The following SLC14A2 variants were observed in gnomAD, a reference collection of about 807,000 sequenced individuals.
The protein encoded by SLC14A2 is solute carrier family 14 member 2, also known as urea transporter 2.
Under a neutral mutation model 104.6 loss-of-function variants are expected in SLC14A2, and 91 were observed. The observed-to-expected ratio is 0.87, with a 90% confidence interval of 0.73 to 1.04. SLC14A2 has a LOEUF of 1.04. Ranked by LOEUF, SLC14A2 falls within the 50% of genes least tolerant of loss-of-function variation. The pLI, the probability that SLC14A2 is intolerant of heterozygous loss-of-function variation, is 0.00. For synonymous variants in SLC14A2, 476 were observed against 466.4 expected (o/e 1.02, Z -0.27); for missense variants, 1,189 against 1,156.0 (o/e 1.03, Z -0.41).
intron 7 of SLC14A2, among the ~76,000 whole-genome samples, chr18:45,640,440 T>G (rs1046483746): frequency 1.3e-5 from 2 of 152,172 alleles, no homozygotes; most frequent in African/African-American, 4.8e-5. Flanking sequence ...CTCTGAAATT[T>G]TTGGTAAGAT....
chr18:45,586,142 T>C (rs2044563863), intron 2 of SLC14A2, among the ~76,000 whole-genome samples: 1 of 152,228 alleles, frequency 6.6e-6, no homozygotes, highest in South Asian at 2.1e-4. Flanking sequence ...GGTTTTGCCA[T>C]TGCTTTCAGT....
intron 1 of SLC14A2, among the ~76,000 whole-genome samples, chr18:45,218,801 A>C (rs2084034726): frequency 6.6e-6 from 1 of 152,104 alleles, no homozygotes. Context: ...AGCAGTATGG[A>C]AGGTCAAATC....
rs532311344 is a variant in SLC14A2 at position 45,449,413 on chromosome 18, C to T, written c.-124-33820C>T. Among the ~76,000 whole-genome samples the T allele has an allele frequency of 2.6e-5, 4 of 152,256 alleles. No individual in the cohort carries two copies. In the South Asian group the frequency reaches 8.3e-4, roughly 32 times the overall value. ...CTGACCATTTCCAAAACACATTGTT[C>T]ATACCTCTCATTTGGATCCTTGGCA... On this transcript the variant is annotated intron_variant, in intron 1 of 20. Transcript: ENST00000586448.
chr18:45,665,950 T>C (rs1031922781), intron 11 of SLC14A2, among the ~76,000 whole-genome samples, 187 bp from the exon 12 acceptor site: 1 of 152,164 alleles, frequency 6.6e-6, no homozygotes, highest in Non-Finnish European at 1.5e-5. Context: ...AGGGCCCAGA[T>C]GGATCCATGA....
chr18:45,216,474 G>A (rs2084011604), intron 1 of SLC14A2, among the ~76,000 whole-genome samples: 1 of 152,164 alleles, frequency 6.6e-6, no homozygotes, highest in Non-Finnish European at 1.5e-5. Context: ...TTCTGGGGGT[G>A]TTATGTTGGT....
chr18:45,461,512 A>G (rs2087044691), intron 1 of SLC14A2, among the ~76,000 whole-genome samples: 1 of 152,208 alleles, frequency 6.6e-6, no homozygotes, highest in Admixed American at 6.5e-5. Context: ...AAGCTCTGGG[A>G]CCTGTCCCTC....
At chr18:45,273,080 T>G (rs2084667307) in intron 1 of SLC14A2, among the ~76,000 whole-genome samples, 1 of 152,058 alleles carries the variant, frequency 6.6e-6, no homozygotes, top group South Asian at 2.1e-4. Context: ...CTATCTGAAA[T>G]GTCTAAGAGT....
Position 45,464,630 on chromosome 18 carries a change from C to A in SLC14A2, c.-124-18603C>A, listed in dbSNP as rs183417160. Among the ~76,000 whole-genome samples, 1,120 of 152,254 alleles carry A rather than the reference C, an allele frequency of 7.4e-3. 6 individuals carry two copies. The highest frequency in any genetic ancestry group is 0.013 in the Non-Finnish European group (877 of 68,030). On this transcript the variant is annotated intron_variant, in intron 1 of 20. Coordinates refer to the SLC14A2 transcript ENST00000586448. ...AATTTCTATTTTTTGCTGCTCTTTG[C>A]CTGCCTTTGTGGAATGCTAGAAAGT...
chr18:45,562,898 C>T (rs2044219399), intron 2 of SLC14A2, among the ~76,000 whole-genome samples: 1 of 152,214 alleles, frequency 6.6e-6, no homozygotes. Context: ...GCAAGCGGTG[C>T]ATTTAAATCA....
intron 2 of SLC14A2, among the ~76,000 whole-genome samples, chr18:45,560,222 C>G (rs539459892): frequency 5.8e-4 from 88 of 152,292 alleles, no homozygotes; most frequent in African/African-American, 2.0e-3. Context: ...TTCATTAAAA[C>G]CTTAGCAGAC....
At chr18:45,390,167 C>T (rs532001932) in intron 1 of SLC14A2, among the ~76,000 whole-genome samples, 9 of 152,222 alleles carry the variant, frequency 5.9e-5, no homozygotes, top group African/African-American at 1.4e-4. Flanking sequence ...GGACAAAAAT[C>T]GACACGAGCA....
chr18:45,294,647 G>A lies in SLC14A2; in HGVS notation c.-125+81456G>A, dbSNP rs535986439. On this transcript the variant is annotated intron_variant, in intron 1 of 20. Transcript: ENST00000586448. ...CAGAGGAGTTTTGCAAATGTTAATA[G>A]GTATAACTTGAAAATGATTTTCCAC... Among the ~76,000 whole-genome samples the A allele has an allele frequency of 2.6e-5, 4 of 152,284 alleles. No homozygotes were observed. The South Asian group carries it at 8.3e-4, about 32-fold the overall frequency.
chr18:45,599,040 T>G (rs1258067748), intron 2 of SLC14A2, among the ~76,000 whole-genome samples: 1 of 152,098 alleles, frequency 6.6e-6, no homozygotes, highest in Non-Finnish European at 1.5e-5. Flanking sequence ...CCATGATGAG[T>G]ATGAAGATAC....
intron 5 of SLC14A2, among the ~76,000 whole-genome samples, chr18:45,634,321 T>A (rs2045386538): frequency 6.6e-6 from 1 of 152,216 alleles, no homozygotes; most frequent in African/African-American, 2.4e-5. Flanking sequence ...AAAGTCTCTA[T>A]TCCCTTGGAA....
At chr18:45,608,890 T>A (rs766255483) in intron 2 of SLC14A2, among the ~76,000 whole-genome samples, 1 of 152,232 alleles carries the variant, frequency 6.6e-6, no homozygotes, top group Non-Finnish European at 1.5e-5. Flanking sequence ...TCTTCCTTCA[T>A]GCCAGGTCCC....
At chr18:45,398,991 A>G (rs1385349275) in intron 1 of SLC14A2, among the ~76,000 whole-genome samples, 1 of 152,206 alleles carries the variant, frequency 6.6e-6, no homozygotes, top group African/African-American at 2.4e-5. Context: ...TGTGTTTTTT[A>G]CCAAAATAAA....
chr18:45,572,725 T>C (rs1351929852), intron 2 of SLC14A2, among the ~76,000 whole-genome samples: 2 of 152,216 alleles, frequency 1.3e-5, no homozygotes, highest in African/African-American at 4.8e-5. Context: ...ATACCACTTA[T>C]TGGGGCACTT....
chr18:45,656,085 G>A (rs1033102485), intron 10 of SLC14A2, among the ~76,000 whole-genome samples: 2 of 152,218 alleles, frequency 1.3e-5, no homozygotes, highest in Non-Finnish European at 2.9e-5. Context: ...AGATTGGAAT[G>A]TATGTATTGA....
In SLC14A2 at chr18:45,388,696, C is replaced by T. The variant is rs146825354; in HGVS notation, c.-124-94537C>T. On this transcript the variant is annotated intron_variant, in intron 1 of 20. Coordinates refer to the SLC14A2 transcript ENST00000586448. ...AGGAATTCCACTCCATGTTTCTCAT[C>T]CCAGATACCAACTAGACAGAAGGGC... Among the ~76,000 whole-genome samples the T allele has an allele frequency of 5.5e-3, 838 of 152,236 alleles. 8 individuals carry two copies. The highest frequency in any genetic ancestry group is 0.019 in the African/African-American group (793 of 41,534).
Sources: allele counts gnomAD v4.1 joint callset (sites outside exome capture counted in the v4.1 genomes callset), GRCh38; gene constraint gnomAD v4.1.1; transcripts MANE v1.5; gene names NCBI Gene and HGNC (gene_info 2026-07-23, HGNC 2026-07-21).